Variants in ACACB observed in about 807,000 individuals in gnomAD.
ACACB encodes acetyl-CoA carboxylase 2.
Under a neutral mutation model 278.8 loss-of-function variants are expected in ACACB, and 209 were observed. The ratio of observed to expected loss-of-function variants is 0.75; its 90% CI spans 0.67 to 0.84. The LOEUF (loss-of-function observed/expected upper bound fraction) is 0.84, where lower values mean the gene tolerates loss of function less well. ACACB is among the 40% of genes least tolerant of loss of function. The pLI is 0.00. For missense variants in ACACB, 2,850 were observed against 3,269.0 expected, an observed-to-expected ratio of 0.87 and a Z score of 3.13; for synonymous variants, 1,174 against 1,285.6, an observed-to-expected ratio of 0.91 and a Z score of 1.86.
intron 21 of ACACB, among the ~76,000 whole-genome samples, chr12:109,210,517 A>C (rs576278893): frequency 6.7e-6 from 1 of 148,986 alleles, no homozygotes; most frequent in Non-Finnish European, 1.5e-5. Flanking sequence ...ATACGCACAT[A>C]CATGTGTATA....
chr12:109,255,683 T>C (rs1352588148), intron 44 of ACACB, among the ~76,000 whole-genome samples: 1 of 152,222 alleles, frequency 6.6e-6, no homozygotes, highest in Non-Finnish European at 1.5e-5. Flanking sequence ...ATTCTCTCTC[T>C]GTCTCTCTGG....
intron 2 of ACACB, chr12:109,154,827 C>A (rs1449975691): frequency 2.6e-5 from 4 of 152,878 alleles, no homozygotes; most frequent in African/African-American, 9.6e-5. Flanking sequence ...CGGCTTCAGG[C>A]GGTTAAGGGG....
In ACACB at chr12:109,185,637, C is replaced by CCGG. The variant is rs772939162; in HGVS notation, c.1877_1878insCGG (p.Ser626_Pro627insGly). 6.2e-7 allele frequency: 1 copy of CCGG among 1,614,030 alleles called. No individual in the cohort carries two copies. Among genetic ancestry groups the CCGG allele is most frequent in the Non-Finnish European group, 8.5e-7 (1 of 1,179,980 alleles). On this transcript the variant is annotated inframe_insertion, in exon 12 of 53. Transcript: ENST00000338432. Reference sequence around the variant, plus strand: ...GATATCCGGCTTCTGTATGGAGAGTCACCATGGGGAGTGACTCCCATTTCT... The same window carrying CCGG: ...GATATCCGGCTTCTGTATGGAGAGTCCGGACCATGGGGAGTGACTCCCATTTCT...
chr12:109,201,524 A>G (rs565359317), intron 18 of ACACB, 43 bp from the exon 19 acceptor site: 4 of 1,605,434 alleles, frequency 2.5e-6, no homozygotes, highest in Non-Finnish European at 3.4e-6. Flanking sequence ...TCTGGGTGTC[A>G]ATCCCGGTGG....
At chr12:109,179,014 T>C in intron 9 of ACACB, 74 bp from the exon 10 acceptor site, 3 of 1,410,708 alleles carry the variant, frequency 2.1e-6, no homozygotes, top group Non-Finnish European at 2.9e-6. Context: ...TTTTATGTTC[T>C]CTCCTGAGAA....
chr12:109,210,320 T>TGC lies in ACACB; in HGVS notation c.3249+968_3249+969insCG, dbSNP rs2045764807. ...ATATGTATATATACACACACATATC[T>TGC]GTGTATATATGTATATACACGCACA... On this transcript the variant is annotated intron_variant, in intron 21 of 52. Transcript: ENST00000338432. 5.6e-5 allele frequency among the ~76,000 whole-genome samples: 6 copies of TGC among 108,088 alleles called. 1 individual carries two copies. Among genetic ancestry groups the TGC allele is most frequent in the Non-Finnish European group, 1.2e-4 (6 of 51,332 alleles). The allele number at this position is 108,088 out of a possible 152,430, so 70.9% of individuals were successfully genotyped here. A position where few individuals can be genotyped will look rare whatever the true frequency, so the allele number is the denominator to read the frequency against.
At chr12:109,219,788 ATTC>A (rs1324146511) in intron 24 of ACACB, among the ~76,000 whole-genome samples, 1 of 152,218 alleles carries the variant, frequency 6.6e-6, no homozygotes, top group Admixed American at 6.5e-5. Context: ...CTGATCTTCA[ATTC>A]TTCTGTAGTT....
chr12:109,198,873 A>T (rs1593533888), intron 17 of ACACB, among the ~76,000 whole-genome samples: 1 of 150,702 alleles, frequency 6.6e-6, no homozygotes, highest in Non-Finnish European at 1.5e-5. Context: ...CCATCCTCCC[A>T]CCTCGGCCTC....
At chr12:109,126,458 A>G (rs2042681509) in intron 1 of ACACB, among the ~76,000 whole-genome samples, 1 of 152,142 alleles carries the variant, frequency 6.6e-6, no homozygotes. Flanking sequence ...AGAGGTGGGA[A>G]GATTGCTTGA....
Position 109,258,284 on chromosome 12 carries a change from G to T in ACACB, c.6280G>T (p.Val2094Leu). 1 of 1,612,482 alleles carries T rather than the reference G, an allele frequency of 6.2e-7. No homozygotes were observed. Among genetic ancestry groups the T allele is most frequent in the Non-Finnish European group, 8.5e-7 (1 of 1,179,762 alleles). ...TGRARLGGIP[V>L]GVIAVETRTV... is the part of the protein sequence containing the mutation. ...ATTTTCCAGGCTTGGGGGGATTCCC[G>T]TGGGAGTGATTGCTGTGGAGACACG... is the stretch of plus-strand genomic sequence containing the variant. Residue 2094 changes from valine (V) to leucine (L), a missense_variant, in exon 46 of 53, where the codon GTG becomes TTG. Physicochemically the swap from Val to Leu is conservative, Grantham distance 32. This residue lies in a region of ACACB where 579 missense variants were observed against 684.6 expected (regional missense o/e 0.85). Coordinates refer to ENST00000338432, the MANE Select transcript of ACACB (RefSeq NM_001093.4).
At chr12:109,194,534 G>C (rs1236463927) in intron 16 of ACACB, among the ~76,000 whole-genome samples, 2 of 80,610 alleles carry the variant, frequency 2.5e-5, no homozygotes, top group Admixed American at 2.7e-4. Context: ...GTGTGTGTGT[G>C]TGTGTGTGTG....
chr12:109,258,432 G>T, intron 46 of ACACB, 68 bp downstream of exon 46: 1 of 1,356,252 alleles, frequency 7.4e-7, no homozygotes, highest in Non-Finnish European at 1.0e-6. Flanking sequence ...TCCTGGGCGT[G>T]GGGGTCCCAT....
rs1259272905 is a variant in ACACB, at chr12:109,264,418, A to G, written c.6942+32A>G. 4 of 1,606,864 alleles carry G rather than the reference A, an allele frequency of 2.5e-6. No homozygotes were observed. In the Admixed American group the frequency reaches 6.7e-5, roughly 27 times the overall value. On this transcript the variant is annotated intron_variant, in intron 50 of 52. Transcript: ENST00000338432. ...GCCACAGCTGCCGTGTAGGGTGCAA[A>G]GAGCCCACCCTGTTTTCCAAAACAT...
At chr12:109,177,243 T>C (rs371401391) in intron 9 of ACACB, among the ~76,000 whole-genome samples, 19 of 152,262 alleles carry the variant, frequency 1.2e-4, no homozygotes, top group African/African-American at 4.3e-4. Context: ...AATAGCCTTA[T>C]TTATGAAACC....
upstream of ACACB, among the ~76,000 whole-genome samples, chr12:109,114,371 A>T (rs1461687465): frequency 6.6e-6 from 1 of 152,126 alleles, no homozygotes; most frequent in African/African-American, 2.4e-5. Flanking sequence ...CCTTCCAACA[A>T]GAAGCTAGTG....
intron 40 of ACACB, chr12:109,249,010 A>G (rs1461935089): frequency 6.6e-6 from 1 of 152,244 alleles, no homozygotes; most frequent in African/African-American, 2.4e-5. Context: ...GAACAGGCAG[A>G]TATCTTTGGT....
intron 11 of ACACB, among the ~76,000 whole-genome samples, chr12:109,182,892 A>G (rs2044527177): frequency 6.6e-6 from 1 of 152,112 alleles, no homozygotes; most frequent in African/African-American, 2.4e-5. Flanking sequence ...TGTTCCTGAG[A>G]GTTCCCCCAA....
At chr12:109,214,791 G>C (rs1353930852) in intron 22 of ACACB, among the ~76,000 whole-genome samples, 2 of 152,138 alleles carry the variant, frequency 1.3e-5, no homozygotes, top group Non-Finnish European at 2.9e-5. Context: ...GAACATCCAG[G>C]TTAAAACTTT....
In ACACB at chr12:109,205,467, T is replaced by G. The variant is rs866706517; in HGVS notation, c.2914-1243T>G. The stretch of plus-strand genomic sequence containing the variant: ...CCCTCAAGTCAGCTTTTTTTTTTTT[T>G]GAGACAGAATTTCACTCCATTACCC... On this transcript the variant is annotated intron_variant, in intron 19 of 52. Coordinates refer to ENST00000338432, the MANE Select transcript of ACACB (RefSeq NM_001093.4). Among the ~76,000 whole-genome samples, 158 of 151,924 alleles carry G rather than the reference T, an allele frequency of 1.0e-3. 3 individuals are homozygous for G. Among genetic ancestry groups the G allele is most frequent in the Non-Finnish European group, 5.9e-5 (4 of 67,938 alleles).
Sources: gnomAD v4.1 joint callset for allele counts (sites outside exome capture counted in the v4.1 genomes callset) on GRCh38, gnomAD v4.1.1 for gene constraint, gnomAD v4.1.1 regional missense constraint, MANE v1.5 for transcripts, NCBI Gene and HGNC (gene_info 2026-07-23, HGNC 2026-07-21) for gene names.